SEMA6A: variants seen among roughly 807,000 people sequenced by gnomAD.
The protein encoded by SEMA6A is semaphorin-6A.
SEMA6A carries 25 observed loss-of-function variants against 96.8 expected under a neutral mutation model. That is an observed-to-expected ratio of 0.26 (90% CI 0.19 to 0.36). The LOEUF is 0.36. SEMA6A is among the 10% of genes least tolerant of loss of function. The pLI is 1.00. For missense variants in SEMA6A, 1,363 were observed against 1,323.1 expected (o/e 1.03, Z -0.47); for synonymous variants, 612 against 518.0 (o/e 1.18, Z -2.46).
chr5:116,564,787 A>G lies in SEMA6A; in HGVS notation c.-39+9398T>C, dbSNP rs911886887. On this transcript the variant is annotated intron_variant, in intron 1 of 18. Transcript: ENST00000343348. ...ACTATTCACGAGTTGACAAAGCAGT[A>G]GACCTACAGTCCAAAATGTATGAGC... 2.0e-5 allele frequency among the ~76,000 whole-genome samples: 3 copies of G among 152,250 alleles called. No individual in the cohort carries two copies. In the South Asian group the frequency reaches 6.2e-4, roughly 31 times the overall value.
At chr5:116,533,904 C>A (rs1290409031) in intron 1 of SEMA6A, among the ~76,000 whole-genome samples, 1 of 152,150 alleles carries the variant, frequency 6.6e-6, no homozygotes, top group African/African-American at 2.4e-5. Flanking sequence ...TCTCCAGCCT[C>A]CACAAGGCAG....
intron 17 of SEMA6A, chr5:116,468,809 T>C (rs1161496114): frequency 1.3e-5 from 2 of 152,204 alleles, no homozygotes; most frequent in Non-Finnish European, 2.9e-5. Flanking sequence ...CTACTGTGCA[T>C]GTATAATTGG....
At chr5:116,538,810 T>A (rs765849151) in intron 1 of SEMA6A, among the ~76,000 whole-genome samples, 9 of 152,194 alleles carry the variant, frequency 5.9e-5, no homozygotes, top group Non-Finnish European at 1.2e-4. Flanking sequence ...ATCACCATCA[T>A]CATCTTGAAC....
At chr5:116,558,293 TTTTTAC>T (rs1337071465) in intron 1 of SEMA6A, among the ~76,000 whole-genome samples, 9 of 152,242 alleles carry the variant, frequency 5.9e-5, no homozygotes, top group African/African-American at 1.4e-4. Flanking sequence ...TCTTTTTTAA[TTTTTAC>T]TTTTACTTTA....
intron 1 of SEMA6A, among the ~76,000 whole-genome samples, chr5:116,517,941 C>T (rs533970083): frequency 6.6e-6 from 1 of 152,328 alleles, no homozygotes; most frequent in South Asian, 2.1e-4. Flanking sequence ...ATCATTTTCT[C>T]CCCAATGGAA....
intron 2 of SEMA6A, chr5:116,502,741 C>T (rs1176227311): frequency 5.8e-6 from 1 of 172,038 alleles, no homozygotes; most frequent in Non-Finnish European, 1.2e-5. Flanking sequence ...AAGCAGCCTT[C>T]CCATCAATCA....
At chr5:116,475,734 A>T (rs1468490869) in intron 15 of SEMA6A, 131 bp from the exon 16 acceptor site, 1 of 578,096 alleles carries the variant, frequency 1.7e-6, no homozygotes, top group South Asian at 2.6e-5. Flanking sequence ...AAAGAAATAC[A>T]TAACAGCTTT....
chr5:116,466,550 G>A (rs936297743), intron 18 of SEMA6A, among the ~76,000 whole-genome samples: 2 of 152,104 alleles, frequency 1.3e-5, no homozygotes, highest in Non-Finnish European at 2.9e-5. Flanking sequence ...CAGGAGATGA[G>A]AAGCAAAAAA....
chr5:116,478,894 G>A (rs1449036998), intron 12 of SEMA6A, among the ~76,000 whole-genome samples, 176 bp from the exon 13 acceptor site: 1 of 151,720 alleles, frequency 6.6e-6, no homozygotes, highest in Non-Finnish European at 1.5e-5. Flanking sequence ...CAGAGCACTA[G>A]TGTGGCTCCA....
intron 7 of SEMA6A, 34 bp from the exon 8 acceptor site, chr5:116,489,041 G>A: frequency 6.5e-7 from 1 of 1,539,776 alleles, no homozygotes; most frequent in Non-Finnish European, 8.8e-7. Context: ...GAACAGGGTG[G>A]GAGCAAGTCA....
chr5:116,480,373 G>A (rs1756688759), intron 11 of SEMA6A, 96 bp from the exon 12 acceptor site: 1 of 1,450,788 alleles, frequency 6.9e-7, no homozygotes. Context: ...CTGGAATGGA[G>A]GAGAATGTAC....
intron 17 of SEMA6A, chr5:116,471,787 G>A (rs1756162959): frequency 6.6e-6 from 1 of 152,164 alleles, no homozygotes; most frequent in Admixed American, 6.5e-5. Flanking sequence ...ATTTATGTAT[G>A]CTAATTTGAC....
intron 1 of SEMA6A, among the ~76,000 whole-genome samples, chr5:116,551,317 T>TACACACATACACACACACACACAC (rs1760397850): frequency 7.0e-6 from 1 of 142,414 alleles, no homozygotes; most frequent in Non-Finnish European, 1.5e-5. Flanking sequence ...AGTCTTAGCA[T>TACACACATACACACACACACACAC]ACACACACAC....
chr5:116,491,643 G>A (rs934180463), intron 7 of SEMA6A, 97 bp downstream of exon 7: 10 of 885,758 alleles, frequency 1.1e-5, no homozygotes, highest in Admixed American at 9.2e-5. Flanking sequence ...GAGAATCAAA[G>A]CACAACTGTG....
At chr5:116,564,044 A>T (rs952446297) in intron 1 of SEMA6A, among the ~76,000 whole-genome samples, 1 of 152,250 alleles carries the variant, frequency 6.6e-6, no homozygotes. Flanking sequence ...CGGTGAAACC[A>T]GTAGCAATTA....
In SEMA6A at chr5:116,515,445, C is replaced by G. The variant is rs112653689; in HGVS notation, c.-38-10463G>C. 2.9e-3 allele frequency among the ~76,000 whole-genome samples: 439 copies of G among 152,220 alleles called. 3 individuals are homozygous for G. Among genetic ancestry groups the G allele is most frequent in the African/African-American group, 0.01 (416 of 41,540 alleles). On this transcript the variant is annotated intron_variant, in intron 1 of 18. Transcript: ENST00000343348. Reference sequence around the variant, plus strand: ...GTTATTTTTGCGTTGCTCTCCCTAACTTTTTCTTTGTAATTTTATTAAAAA... The same window carrying G: ...GTTATTTTTGCGTTGCTCTCCCTAAGTTTTTCTTTGTAATTTTATTAAAAA...
chr5:116,543,659 G>A (rs1419117287), intron 1 of SEMA6A, among the ~76,000 whole-genome samples: 2 of 152,200 alleles, frequency 1.3e-5, no homozygotes, highest in Non-Finnish European at 2.9e-5. Flanking sequence ...CTAGTTGCAT[G>A]ACCCTTCAGG....
intron 7 of SEMA6A, 45 bp from the exon 8 acceptor site, chr5:116,489,052 G>A (rs777406926): frequency 3.7e-5 from 56 of 1,526,014 alleles, no homozygotes; most frequent in Non-Finnish European, 4.5e-5. Context: ...GAGCAAGTCA[G>A]TGGGGGTGGA....
chr5:116,499,182 C>G (rs532956402), intron 3 of SEMA6A: 1 of 152,244 alleles, frequency 6.6e-6, no homozygotes, highest in Non-Finnish European at 1.5e-5. Flanking sequence ...CAATCTTTTT[C>G]AATATCCAAA....
Sources: allele counts gnomAD v4.1 joint callset (sites outside exome capture counted in the v4.1 genomes callset), GRCh38; gene constraint gnomAD v4.1.1; transcripts MANE v1.5; gene names NCBI Gene and HGNC (gene_info 2026-07-23, HGNC 2026-07-21).